Variants in TADA2A observed in about 807,000 individuals in gnomAD.
TADA2A encodes transcriptional adaptor 2A, also known as transcriptional adapter 2-alpha.
In TADA2A, 38 loss-of-function variants were observed where a neutral mutation model predicts 67.4. The ratio of observed to expected loss-of-function variants is 0.56; its 90% CI spans 0.44 to 0.74. The LOEUF (loss-of-function observed/expected upper bound fraction) is 0.74. Ranked by LOEUF, TADA2A falls within the 30% of genes least tolerant of loss-of-function variation. The probability of loss-of-function intolerance (pLI) is 0.00; values close to 1 mark genes in which losing one functional copy is unlikely to be tolerated. For synonymous variants in TADA2A, 192 were observed against 181.6 expected (o/e 1.06, Z -0.46); for missense variants, 454 against 547.0 (o/e 0.83, Z 1.70).
chr17:37,474,819 T>G (rs1371788216), intron 15 of TADA2A, among the ~76,000 whole-genome samples, 190 bp downstream of exon 15: 2 of 152,210 alleles, frequency 1.3e-5, no homozygotes, highest in Non-Finnish European at 2.9e-5. Context: ...ATTGCTTACC[T>G]TGTCACCCTA....
intron 4 of TADA2A, among the ~76,000 whole-genome samples, chr17:37,427,511 C>T (rs185984486): frequency 1.4e-4 from 21 of 152,244 alleles, no homozygotes; most frequent in Admixed American, 1.4e-3. Flanking sequence ...ACTGAAGAGG[C>T]AGACTGGTTT....
At chr17:37,467,565 T>A in intron 12 of TADA2A, 40 bp downstream of exon 12, 1 of 1,507,060 alleles carries the variant, frequency 6.6e-7, no homozygotes, top group Non-Finnish European at 9.2e-7. Context: ...TGAGGGCAAG[T>A]ATCTTCCAGA....
In TADA2A at chr17:37,470,684, C is replaced by T. The variant is rs944772301; in HGVS notation, c.1028+152C>T. 4 of 839,964 alleles carry T rather than the reference C, an allele frequency of 4.8e-6. No homozygotes were observed. In the African/African-American group the frequency reaches 5.2e-5, roughly 11 times the overall value. 52.0% of individuals were successfully genotyped at this position (839,964 alleles called of 1,614,324 possible). On this transcript the variant is annotated intron_variant, in intron 13 of 15. Coordinates refer to ENST00000615182, the MANE Select transcript of TADA2A (RefSeq NM_001166105.3). Reference sequence around the variant, plus strand: ...TAGCAGTCCATCTCAGAAACAGTGCCATACTGACAGTTTTGAGAAATAACT... The same window carrying T: ...TAGCAGTCCATCTCAGAAACAGTGCTATACTGACAGTTTTGAGAAATAACT...
intron 8 of TADA2A, among the ~76,000 whole-genome samples, chr17:37,455,724 G>T (rs924997402): frequency 2.0e-5 from 3 of 152,040 alleles, no homozygotes; most frequent in African/African-American, 7.2e-5. Flanking sequence ...TTCAATTAAG[G>T]CAGATTTAGA....
intron 12 of TADA2A, among the ~76,000 whole-genome samples, chr17:37,469,773 C>T (rs892377102): frequency 1.3e-5 from 2 of 152,196 alleles, no homozygotes; most frequent in Non-Finnish European, 2.9e-5. Flanking sequence ...TCCTGGGGCT[C>T]TGTGGAACCT....
chr17:37,450,053 A>C (rs1482681906), intron 8 of TADA2A, among the ~76,000 whole-genome samples: 2 of 152,194 alleles, frequency 1.3e-5, no homozygotes, highest in Non-Finnish European at 2.9e-5. Flanking sequence ...CATAAAATAC[A>C]TTAACGATAG....
rs376616299 is a variant in TADA2A at position 37,467,479 on chromosome 17, C to T, written c.849C>T (p.Ile283=). 5.6e-6 allele frequency: 9 copies of T among 1,613,964 alleles called. 1 individual carries two copies. Among genetic ancestry groups the T allele is most frequent in the Non-Finnish European group, 6.8e-6 (8 of 1,179,954 alleles). ...HALEFELRRE[I]KRLQEYRTAG... ...TGGAATTTGAACTCCGAAGGGAAATCAAGAGGCTCCAAGAATACAGGACAG... is the reference window on the plus strand; with the variant it reads ...TGGAATTTGAACTCCGAAGGGAAATTAAGAGGCTCCAAGAATACAGGACAG... Residue 283 remains isoleucine (I), a synonymous_variant, in exon 12 of 16, where the codon ATC becomes ATT. Transcript: ENST00000615182.
chr17:37,442,886 A>G (rs1447893947), intron 7 of TADA2A, among the ~76,000 whole-genome samples: 1 of 152,166 alleles, frequency 6.6e-6, no homozygotes, highest in Non-Finnish European at 1.5e-5. Flanking sequence ...ATTTCTGGCC[A>G]GGCTCAGTGG....
Position 37,471,083 on chromosome 17 carries a change from C to T in TADA2A, c.1029-11C>T. ...TATGACCTAAGTTTAAATTCCTCTT[C>T]TTCGTTGTAGTGATTCCGGCCTGAG... On this transcript the variant is annotated splice_polypyrimidine_tract_variant and intron_variant, in intron 13 of 15. Transcript: ENST00000615182. 6.2e-7 allele frequency: 1 copy of T among 1,614,136 alleles called. No homozygotes were observed. Among genetic ancestry groups the T allele is most frequent in the Non-Finnish European group, 8.5e-7 (1 of 1,180,006 alleles).
chr17:37,451,945 T>C (rs1239207293), intron 8 of TADA2A, among the ~76,000 whole-genome samples: 2 of 151,890 alleles, frequency 1.3e-5, no homozygotes, highest in Non-Finnish European at 2.9e-5. Flanking sequence ...GACTGCGCTG[T>C]TGCACTCCAG....
intron 11 of TADA2A, chr17:37,465,752 AAAC>A (rs2053651897): frequency 9.7e-6 from 7 of 721,694 alleles, no homozygotes; most frequent in Middle Eastern, 3.9e-4. Context: ...TGCCCCAGAT[AAAC>A]AATAATTTAG....
intron 6 of TADA2A, 111 bp from the exon 7 acceptor site, chr17:37,442,453 A>C: frequency 4.9e-6 from 4 of 823,400 alleles, no homozygotes; most frequent in Non-Finnish European, 7.3e-6. Flanking sequence ...TCTTTTTCAC[A>C]TTTCCTTTTA....
intron 3 of TADA2A, among the ~76,000 whole-genome samples, chr17:37,423,878 T>A (rs1568137951): frequency 6.6e-6 from 1 of 151,728 alleles, no homozygotes; most frequent in Non-Finnish European, 1.5e-5. Flanking sequence ...GCCTCCTGAG[T>A]AGCTGAGATT....
At chr17:37,419,774 G>C (rs2052172159) in intron 2 of TADA2A, among the ~76,000 whole-genome samples, 1 of 74,132 alleles carries the variant, frequency 1.3e-5, no homozygotes, top group African/African-American at 6.6e-5. Flanking sequence ...GTGAGACACT[G>C]TCTCAAAAAA....
At chr17:37,416,967 A>G (rs1384460867) in intron 2 of TADA2A, among the ~76,000 whole-genome samples, 4 of 152,172 alleles carry the variant, frequency 2.6e-5, no homozygotes, top group African/African-American at 9.7e-5. Flanking sequence ...AAAAATTTTG[A>G]AATACCTTTT....
intron 4 of TADA2A, among the ~76,000 whole-genome samples, chr17:37,435,177 A>G (rs186225622): frequency 6.6e-6 from 1 of 152,344 alleles, no homozygotes; most frequent in East Asian, 1.9e-4. Context: ...GACCTTTTCA[A>G]TGAACGATGT....
chr17:37,420,230 A>C (rs1290328791), intron 2 of TADA2A, among the ~76,000 whole-genome samples: 3 of 146,012 alleles, frequency 2.1e-5, no homozygotes, highest in Non-Finnish European at 4.6e-5. Flanking sequence ...CAGAAGGATC[A>C]CTTGAGGCTG....
chr17:37,449,513 A>C (rs1295445440), intron 8 of TADA2A, among the ~76,000 whole-genome samples: 1 of 152,186 alleles, frequency 6.6e-6, no homozygotes, highest in Non-Finnish European at 1.5e-5. Context: ...TGAAGCATAG[A>C]AAGGTTAGAT....
At chr17:37,433,192 A>T (rs2052623270) in intron 4 of TADA2A, among the ~76,000 whole-genome samples, 1 of 151,836 alleles carries the variant, frequency 6.6e-6, no homozygotes, top group Non-Finnish European at 1.5e-5. Context: ...GACTGAAGGG[A>T]TCCTCCCACC....
Sources: gnomAD v4.1 joint callset for allele counts (sites outside exome capture counted in the v4.1 genomes callset) on GRCh38, gnomAD v4.1.1 for gene constraint, MANE v1.5 for transcripts, NCBI Gene and HGNC (gene_info 2026-07-23, HGNC 2026-07-21) for gene names.